Variants in CASK observed in about 807,000 individuals in gnomAD.
CASK encodes the protein calcium/calmodulin dependent serine protein kinase, also known as peripheral plasma membrane protein CASK.
CASK carries 4 observed loss-of-function variants against 82.9 expected under a neutral mutation model. That is an observed-to-expected ratio of 0.05 (90% CI 0.02 to 0.11). The LOEUF (loss-of-function observed/expected upper bound fraction) is 0.11, where lower values mean the gene tolerates loss of function less well. Among genes scored for constraint, CASK ranks in the 10% least tolerant of loss-of-function variants. The pLI is 1.00. For synonymous variants in CASK, 259 were observed against 253.5 expected (o/e 1.02, Z -0.20); for missense variants, 358 against 720.9 (o/e 0.50, Z 5.76).
In CASK at chrX:41,642,430, T is replaced by A. The variant is rs770378670; in HGVS notation, c.832-5769A>T. Among the ~76,000 whole-genome samples the A allele has an allele frequency of 2.2e-3, 245 of 112,109 alleles. 1 individual carries two copies. The highest frequency in any genetic ancestry group is 9.2e-3 in the Middle Eastern group (2 of 218). On this transcript the variant is annotated intron_variant, in intron 8 of 26. Coordinates refer to ENST00000378163, the MANE Select transcript of CASK (RefSeq NM_001367721.1). ...CTGTTGTTTCCTGACTTTTTAATGA[T>A]TGCCATTCTAACTGGTGTGAGATGG...
Position 41,853,155 on chromosome X carries a change from A to G in CASK, c.132T>C (p.Asp44=), listed in dbSNP as rs1339799525. ...TGQQFAVKIV[D]VAKFTSSPGL... ...CTGGACTTGATGTGAACTTGGCTAC[A>G]TCAACAATTTTTACAGCAAATTGTT... is the stretch of plus-strand genomic sequence containing the variant. Residue 44 remains aspartate, a synonymous_variant, in exon 2 of 27, where the codon GAT becomes GAC. Coordinates refer to ENST00000378163, the MANE Select transcript of CASK (RefSeq NM_001367721.1). 4.1e-6 allele frequency: 5 copies of G among 1,205,176 alleles called. No individual in the cohort carries two copies. The Admixed American group carries it at 6.6e-5, about 16-fold the overall frequency.
At chrX:41,563,040 CAAAAAAAAA>C (rs141364032) in intron 16 of CASK, among the ~76,000 whole-genome samples, 40 of 22,201 alleles carry the variant, frequency 1.8e-3, no homozygotes, top group Non-Finnish European at 2.2e-3. Flanking sequence ...GACTCCATCT[CAAAAAAAAA>C]AAAAAAAAAA....
intron 2 of CASK, among the ~76,000 whole-genome samples, chrX:41,833,104 T>C (rs181162348): frequency 5.2e-4 from 58 of 112,265 alleles, no homozygotes; most frequent in Non-Finnish European, 9.0e-4. Flanking sequence ...CACCTGTCTG[T>C]GCGTGACGCC....
intron 8 of CASK, among the ~76,000 whole-genome samples, chrX:41,647,156 T>C (rs1160815738): frequency 8.9e-6 from 1 of 112,156 alleles, no homozygotes; most frequent in Non-Finnish European, 1.9e-5. Flanking sequence ...ATCAAATTAA[T>C]GATTTAAGAC....
intron 1 of CASK, among the ~76,000 whole-genome samples, chrX:41,906,433 C>T (rs764830388): frequency 8.9e-6 from 1 of 112,698 alleles, no homozygotes; most frequent in East Asian, 2.8e-4. Flanking sequence ...AAATAATACT[C>T]TCTGCCTACT....
intron 5 of CASK, among the ~76,000 whole-genome samples, chrX:41,684,739 C>G (rs1422221225): frequency 9.0e-6 from 1 of 111,331 alleles, no homozygotes; most frequent in Non-Finnish European, 1.9e-5. Flanking sequence ...CTCAAGTGAT[C>G]CGCCCGCCTC....
intron 3 of CASK, among the ~76,000 whole-genome samples, chrX:41,761,025 T>C (rs2068991161): frequency 9.0e-6 from 1 of 111,394 alleles, no homozygotes; most frequent in Non-Finnish European, 1.9e-5. Context: ...GTATCTGCGA[T>C]TGTTTCTAAG....
chrX:41,652,222 G>C (rs2066875136), intron 8 of CASK, among the ~76,000 whole-genome samples: 1 of 110,970 alleles, frequency 9.0e-6, no homozygotes, highest in Admixed American at 9.6e-5. Context: ...AGCAGGGAGA[G>C]TAGGAAGGGG....
rs1486779489 is a variant in CASK, at chrX:41,516,998, A to AAT, written c.*3421_*3422insAT. ...TTGACTAAACTTTTTCAAGAAATAA[A>AAT]CTTGAAGCCTTAATGAAGAGACAAA... On this transcript the variant is annotated 3_prime_UTR_variant, in exon 27 of 27. Coordinates refer to ENST00000378163, the MANE Select transcript of CASK (RefSeq NM_001367721.1). 1 of 112,216 alleles carries AAT rather than the reference A, an allele frequency of 8.9e-6. No individual in the cohort carries two copies. Among genetic ancestry groups the AAT allele is most frequent in the Non-Finnish European group, 1.9e-5 (1 of 53,244 alleles). The allele number at this position is 112,216 out of a possible 1,213,427, so 9.2% of individuals were successfully genotyped here. A position where few individuals can be genotyped will look rare whatever the true frequency, so the allele number is the denominator to read the frequency against.
At chrX:41,546,784 T>C (rs1314457701) in intron 21 of CASK, among the ~76,000 whole-genome samples, 1 of 111,853 alleles carries the variant, frequency 8.9e-6, no homozygotes, top group Non-Finnish European at 1.9e-5. Context: ...GGTCATTTTT[T>C]AATAAAGGCT....
At chrX:41,824,053 C>T (rs1342596037) in intron 2 of CASK, among the ~76,000 whole-genome samples, 4 of 111,641 alleles carry the variant, frequency 3.6e-5, no homozygotes, top group African/African-American at 1.3e-4. Flanking sequence ...ATTTATTCTC[C>T]CTGACCCTTT....
chrX:41,846,269 G>A (rs970195842), intron 2 of CASK, among the ~76,000 whole-genome samples: 1 of 111,515 alleles, frequency 9.0e-6, no homozygotes, highest in Non-Finnish European at 1.9e-5. Context: ...CCTGTCATTT[G>A]CAACAACATG....
intron 6 of CASK, among the ~76,000 whole-genome samples, chrX:41,667,185 A>G (rs759723024): frequency 1.8e-5 from 2 of 112,078 alleles, no homozygotes; most frequent in South Asian, 3.7e-4. Flanking sequence ...TTAGTGTTCA[A>G]TCTTCGGGAA....
intron 3 of CASK, among the ~76,000 whole-genome samples, chrX:41,761,816 C>T (rs1183443096): frequency 8.9e-6 from 1 of 112,129 alleles, no homozygotes; most frequent in Non-Finnish European, 1.9e-5. Flanking sequence ...TTTACATAGA[C>T]AAAAGCCAGC....
intron 12 of CASK, among the ~76,000 whole-genome samples, chrX:41,595,669 A>T (rs1431885235): frequency 9.0e-6 from 1 of 111,671 alleles, no homozygotes; most frequent in Non-Finnish European, 1.9e-5. Flanking sequence ...CCATTTTAAA[A>T]AGTCAAAAGC....
intron 1 of CASK, among the ~76,000 whole-genome samples, chrX:41,916,087 G>C (rs2072679732): frequency 9.0e-6 from 1 of 111,198 alleles, no homozygotes; most frequent in Non-Finnish European, 1.9e-5. Context: ...TGAGGCAAGA[G>C]AATCACTTGA....
At chrX:41,842,810 G>C (rs1478485294) in intron 2 of CASK, among the ~76,000 whole-genome samples, 2 of 111,511 alleles carry the variant, frequency 1.8e-5, no homozygotes, top group Non-Finnish European at 3.8e-5. Context: ...AAACACGAGA[G>C]ATCTTACCAT....
chrX:41,846,259 C>T (rs2071152781), intron 2 of CASK, among the ~76,000 whole-genome samples: 1 of 111,291 alleles, frequency 9.0e-6, no homozygotes, highest in African/African-American at 3.3e-5. Context: ...AGAATGAGAT[C>T]CTGTCATTTG....
intron 13 of CASK, 23 bp downstream of exon 13, chrX:41,589,492 C>T (rs750475185): frequency 1.8e-6 from 2 of 1,110,144 alleles, no homozygotes; most frequent in East Asian, 3.0e-5. Flanking sequence ...ATGCCAAATA[C>T]TTCTATAAAA....
Sources: gnomAD v4.1 joint callset for allele counts (sites outside exome capture counted in the v4.1 genomes callset) on GRCh38, gnomAD v4.1.1 for gene constraint, MANE v1.5 for transcripts, NCBI Gene and HGNC (gene_info 2026-07-23, HGNC 2026-07-21) for gene names.